Variants in MYO19 observed in about 807,000 individuals in gnomAD.
MYO19 encodes myosin XIX.
A neutral mutation model predicts 129.2 loss-of-function variants in MYO19; 132 were observed. That is an observed-to-expected ratio of 1.02 (90% CI 0.89 to 1.18). MYO19 has a LOEUF of 1.18. MYO19 is among the 50% of genes most tolerant of loss of function. MYO19 has a pLI of 0.00. For missense variants in MYO19, 1,210 were observed against 1,216.7 expected, an observed-to-expected ratio of 0.99 and a Z score of 0.08; for synonymous variants, 531 against 477.2, an observed-to-expected ratio of 1.11 and a Z score of -1.47.
intron 3 of MYO19, among the ~76,000 whole-genome samples, chr17:36,532,085 T>C (rs936503896): frequency 1.3e-5 from 2 of 152,172 alleles, no homozygotes; most frequent in African/African-American, 2.4e-5. Context: ...TATTTCCTCA[T>C]AGTCTCCTAC....
rs60583247 is a variant in MYO19, at chr17:36,510,747, G to T, written c.1156C>A (p.Arg386=). 138 of 1,601,110 alleles carry T rather than the reference G, an allele frequency of 8.6e-5. No individual in the cohort carries two copies. The African/African-American group carries it at 1.6e-3, about 18-fold the overall frequency. Residue 386 remains arginine (R), a splice_region_variant and synonymous_variant, in exon 13 of 26, where the codon CGG becomes AGG. Transcript: ENST00000614623. ...RDCLAKLIYA[R]LFDWLVSVIN... ...CAAGGGGCCAGAGTAACTGCTCACC[G>T]CGCATAGATCAGTTTGGCCAGGCAG...
At position 36,532,694 on chromosome 17, in the gene MYO19, AGAG is replaced by A; in HGVS notation, c.-143-16_-143-14del. ...GTCACTCCAGCGCCTGTGGCATGAG[AGAG>A]AAGACAAGGACCACACACAGGTGAG... On this transcript the variant is annotated splice_polypyrimidine_tract_variant and intron_variant, in intron 2 of 25. Coordinates refer to ENST00000614623, the MANE Select transcript of MYO19 (RefSeq NM_001163735.2). 1 of 856,674 alleles carries A rather than the reference AGAG, an allele frequency of 1.2e-6. No homozygotes were observed. The highest frequency in any genetic ancestry group is 1.9e-6 in the Non-Finnish European group (1 of 532,570). 53.1% of individuals were successfully genotyped at this position (856,674 alleles called of 1,614,324 possible).
At chr17:36,513,100 G>T (rs963850026) in intron 11 of MYO19, 16 of 1,337,682 alleles carry the variant, frequency 1.2e-5, no homozygotes, top group East Asian at 3.0e-5. Flanking sequence ...AACATGACTT[G>T]TAAGTTTTAA....
Position 36,507,889 on chromosome 17 carries a change from C to T in MYO19, c.1267G>A (p.Asp423Asn). ...ATGCACAACTGTTCCAGACTGTTGT[C>T]AGGAAATGATTCAAATCCATACACA... ...LDVYGFESFP[D>N]NSLEQLCINY... The change falls in exon 15 of 26, where the codon GAC becomes AAC. Residue 423 changes from aspartate to asparagine, a missense_variant. Coordinates refer to ENST00000614623, the MANE Select transcript of MYO19 (RefSeq NM_001163735.2). The T allele has an allele frequency of 6.2e-7, 1 of 1,612,156 alleles. No homozygotes were observed. The highest frequency in any genetic ancestry group is 8.5e-7 in the Non-Finnish European group (1 of 1,178,890).
intron 6 of MYO19, among the ~76,000 whole-genome samples, chr17:36,517,056 T>A (rs2072802214): frequency 6.6e-6 from 1 of 152,216 alleles, no homozygotes; most frequent in Non-Finnish European, 1.5e-5. Flanking sequence ...AGGTTCTTTT[T>A]CTTCTTGTGT....
At chr17:36,498,969 C>T in intron 24 of MYO19, 106 bp downstream of exon 24, 1 of 904,982 alleles carries the variant, frequency 1.1e-6, no homozygotes, top group Non-Finnish European at 1.7e-6. Flanking sequence ...AAACAACCTG[C>T]CCAAGGCCAC....
upstream of MYO19, chr17:36,537,954 ATAT>A (rs1384932649): frequency 8.7e-6 from 14 of 1,614,012 alleles, no homozygotes; most frequent in African/African-American, 4.0e-5. Context: ...GAAGAGGTTA[ATAT>A]TATATGGCAC....
chr17:36,537,951 T>G, upstream of MYO19: 1 of 1,614,102 alleles, frequency 6.2e-7, no homozygotes, highest in Non-Finnish European at 8.5e-7. Context: ...ACTGAAGAGG[T>G]TAATATTATA....
rs1256300700 is a variant in MYO19, at chr17:36,505,496, A to G, written c.1798-92T>C. 5 of 864,946 alleles carry G rather than the reference A, an allele frequency of 5.8e-6. No homozygotes were observed. In the Admixed American group the frequency reaches 1.1e-4, roughly 20 times the overall value. 53.6% of individuals were successfully genotyped at this position (864,946 alleles called of 1,614,324 possible). On this transcript the variant is annotated intron_variant, in intron 18 of 25. Coordinates refer to ENST00000614623, the MANE Select transcript of MYO19 (RefSeq NM_001163735.2). ...GTTAGTAACTACATCAAATGCCTCCAGCGGGCCCTTCCATGATCCTGAGAC... is the reference window on the plus strand; with the variant it reads ...GTTAGTAACTACATCAAATGCCTCCGGCGGGCCCTTCCATGATCCTGAGAC...
At chr17:36,507,731 TG>T in intron 15 of MYO19, 71 bp downstream of exon 15, 2 of 1,488,462 alleles carry the variant, frequency 1.3e-6, no homozygotes, top group Non-Finnish European at 1.8e-6. Flanking sequence ...GAACCTGGAC[TG>T]GGGCTGGAAG....
At chr17:36,543,625 ATACTT>A (rs753520289), upstream of MYO19, among the ~76,000 whole-genome samples, 7 of 152,042 alleles carry the variant, frequency 4.6e-5, no homozygotes, top group East Asian at 1.9e-4. Flanking sequence ...GATAACCAAA[ATACTT>A]TATTTTGTTT....
intron 21 of MYO19, 67 bp from the exon 22 acceptor site, chr17:36,501,302 T>G (rs2071512155): frequency 2.6e-6 from 4 of 1,523,948 alleles, no homozygotes; most frequent in Middle Eastern, 1.7e-4. Flanking sequence ...CTGAAGAAAC[T>G]GGCTTTGGCC....
chr17:36,530,680 G>A (rs572087961), intron 3 of MYO19, among the ~76,000 whole-genome samples: 11 of 151,964 alleles, frequency 7.2e-5, no homozygotes, highest in African/African-American at 2.7e-4. Flanking sequence ...GAGTGCAGTG[G>A]CACAATCTCG....
chr17:36,528,255 T>A, intron 3 of MYO19, 53 bp from the exon 4 acceptor site: 1 of 1,526,640 alleles, frequency 6.6e-7, no homozygotes, highest in South Asian at 1.2e-5. Context: ...ATGCCTATAA[T>A]CCCAGCACTC....
At chr17:36,523,259 C>G in intron 6 of MYO19, among the ~76,000 whole-genome samples, 1 of 151,164 alleles carries the variant, frequency 6.6e-6, no homozygotes, top group Non-Finnish European at 1.5e-5. Context: ...TATCCTAGGA[C>G]AGATGGGAAT....
chr17:36,512,191 A>AC (rs2072382210), intron 11 of MYO19, among the ~76,000 whole-genome samples: 1 of 119,654 alleles, frequency 8.4e-6, no homozygotes, highest in Admixed American at 8.8e-5. Flanking sequence ...TCTCTACTAA[A>AC]AATAAACACA....
intron 19 of MYO19, chr17:36,504,994 C>G: frequency 1.9e-6 from 1 of 537,168 alleles, no homozygotes; most frequent in Non-Finnish European, 3.5e-6. Flanking sequence ...GTGATGTAGA[C>G]TTTCAGCTAA....
chr17:36,525,594 C>T (rs2073415834), intron 5 of MYO19, among the ~76,000 whole-genome samples: 1 of 152,232 alleles, frequency 6.6e-6, no homozygotes, highest in Non-Finnish European at 1.5e-5. Flanking sequence ...ATACCCCCAT[C>T]TTATCTTGCT....
upstream of MYO19, chr17:36,537,253 C>T (rs112443711): frequency 1.7e-5 from 27 of 1,613,972 alleles, no homozygotes; most frequent in African/African-American, 1.7e-4. Flanking sequence ...TCTTTTTCAC[C>T]TACCTGGAAA....
Sources: gnomAD v4.1 joint callset for allele counts (sites outside exome capture counted in the v4.1 genomes callset) on GRCh38, gnomAD v4.1.1 for gene constraint, MANE v1.5 for transcripts, NCBI Gene and HGNC (gene_info 2026-07-23, HGNC 2026-07-21) for gene names.